The following CCDC192 variants were observed in gnomAD, a reference collection of about 807,000 sequenced individuals.
CCDC192 encodes the protein coiled-coil domain-containing protein 192.
At chr5:127,784,165 A>G (rs1482738352) in intron 3 of CCDC192, among the ~76,000 whole-genome samples, 1 of 152,238 alleles carries the variant, frequency 6.6e-6, no homozygotes, top group Non-Finnish European at 1.5e-5. Flanking sequence ...CCATTCAATT[A>G]GAAATCCTTT....
chr5:127,714,330 T>A (rs931294183), intron 2 of CCDC192, among the ~76,000 whole-genome samples: 3 of 152,210 alleles, frequency 2.0e-5, no homozygotes, highest in Non-Finnish European at 2.9e-5. Flanking sequence ...TTTGACATAC[T>A]AATTTCATTT....
At chr5:127,745,291 G>T (rs1248959561) in intron 2 of CCDC192, among the ~76,000 whole-genome samples, 1 of 152,180 alleles carries the variant, frequency 6.6e-6, no homozygotes, top group Non-Finnish European at 1.5e-5. Context: ...AGAGGATAAT[G>T]AGAAGGTACT....
At chr5:127,843,371 A>G (rs140308333) in intron 5 of CCDC192, among the ~76,000 whole-genome samples, 20 of 150,600 alleles carry the variant, frequency 1.3e-4, no homozygotes, top group African/African-American at 4.4e-4. Flanking sequence ...AGTGACTTCA[A>G]TTTTTTGCCA....
At chr5:127,855,767 C>T (rs1751039244) in intron 5 of CCDC192, among the ~76,000 whole-genome samples, 2 of 152,234 alleles carry the variant, frequency 1.3e-5, no homozygotes. Flanking sequence ...TTGTGCATCT[C>T]TATCAGAGCT....
intron 2 of CCDC192, among the ~76,000 whole-genome samples, chr5:127,742,702 A>G (rs138373949): frequency 1.6e-3 from 239 of 152,328 alleles, no homozygotes; most frequent in South Asian, 7.3e-3. Flanking sequence ...CTAAAACACA[A>G]TAATTTCCAT....
chr5:127,750,460 T>C (rs549551220), intron 2 of CCDC192, among the ~76,000 whole-genome samples: 1 of 152,212 alleles, frequency 6.6e-6, no homozygotes, highest in African/African-American at 2.4e-5. Context: ...CTAGTTTGAT[T>C]GCACTGTGGT....
chr5:127,915,326 C>T (rs933300576), intron 6 of CCDC192, among the ~76,000 whole-genome samples: 2 of 152,168 alleles, frequency 1.3e-5, no homozygotes, highest in Admixed American at 6.5e-5. Context: ...ACCTGCTGCC[C>T]GCGGGCCACA....
At chr5:127,766,694 T>C (rs1441991116) in intron 3 of CCDC192, among the ~76,000 whole-genome samples, 1 of 151,270 alleles carries the variant, frequency 6.6e-6, no homozygotes, top group Non-Finnish European at 1.5e-5. Context: ...TCAGGTTGTT[T>C]CCCTTAGTAA....
chr5:127,725,678 G>T (rs1015903412), intron 2 of CCDC192, among the ~76,000 whole-genome samples: 10 of 152,146 alleles, frequency 6.6e-5, no homozygotes, highest in African/African-American at 2.4e-4. Flanking sequence ...GACAGTGCTG[G>T]TCTGGAGAGC....
intron 6 of CCDC192, among the ~76,000 whole-genome samples, chr5:127,903,714 A>G (rs1435072715): frequency 6.6e-6 from 1 of 152,256 alleles, no homozygotes. Flanking sequence ...GCTGATCATT[A>G]CAAATACAAA....
At chr5:127,871,055 G>A (rs964880289) in intron 5 of CCDC192, among the ~76,000 whole-genome samples, 2 of 152,206 alleles carry the variant, frequency 1.3e-5, no homozygotes, top group Non-Finnish European at 2.9e-5. Flanking sequence ...CAAAGTGGGA[G>A]GAAGCTCTGC....
chr5:127,728,620 A>G (rs182761088), intron 2 of CCDC192, among the ~76,000 whole-genome samples: 2 of 152,362 alleles, frequency 1.3e-5, no homozygotes, highest in Non-Finnish European at 2.9e-5. Flanking sequence ...CAATGACACT[A>G]TGAAGCAACT....
chr5:127,911,061 A>C (rs550552894), intron 6 of CCDC192, among the ~76,000 whole-genome samples: 1 of 152,374 alleles, frequency 6.6e-6, no homozygotes, highest in African/African-American at 2.4e-5. Context: ...TAAGAACACA[A>C]AATATTAATA....
rs55818815 is a variant in CCDC192 at position 127,859,703 on chromosome 5, G to A, written c.412-15835G>A. Among the ~76,000 whole-genome samples, 291 of 151,978 alleles carry A rather than the reference G, an allele frequency of 1.9e-3. 2 individuals are homozygous for A. Among genetic ancestry groups the A allele is most frequent in the African/African-American group, 6.5e-3 (271 of 41,440 alleles). ...TCTGGAAAGCACATTAGATTTTATCGAAGATTCCCTTCTCTACTCCATGTC... is the reference window on the plus strand; with the variant it reads ...TCTGGAAAGCACATTAGATTTTATCAAAGATTCCCTTCTCTACTCCATGTC... On this transcript the variant is annotated intron_variant, in intron 5 of 6. Transcript: ENST00000514853.
chr5:127,733,995 A>G (rs1752807911), intron 2 of CCDC192, among the ~76,000 whole-genome samples: 1 of 151,202 alleles, frequency 6.6e-6, no homozygotes, highest in Non-Finnish European at 1.5e-5. Flanking sequence ...TTACATATGT[A>G]TACATGTGCC....
In CCDC192 at chr5:127,880,722, G is replaced by A. The variant is rs571984029; in HGVS notation, c.535+5061G>A. Among the ~76,000 whole-genome samples, 595 of 152,230 alleles carry A rather than the reference G, an allele frequency of 3.9e-3. 5 individuals carry two copies. Among genetic ancestry groups the A allele is most frequent in the African/African-American group, 0.013 (557 of 41,544 alleles). ...AGGCCAGGCACGGTGGCTCACACCT[G>A]TAATCCCAGCACTTTGGGAGGCAGA... On this transcript the variant is annotated intron_variant, in intron 6 of 6. Transcript: ENST00000514853.
intron 3 of CCDC192, among the ~76,000 whole-genome samples, chr5:127,783,016 G>A (rs1465315731): frequency 7.1e-6 from 1 of 141,000 alleles, no homozygotes; most frequent in Admixed American, 7.3e-5. Flanking sequence ...TTTTTTTTAA[G>A]ACGGAGTTTC....
Position 127,884,802 on chromosome 5 carries a change from T to C in CCDC192, c.535+9141T>C, listed in dbSNP as rs147134237. On this transcript the variant is annotated intron_variant, in intron 6 of 6. Transcript: ENST00000514853. ...TGGAGAAGACAACCATCCACTGTTT[T>C]ATCTTGTCAGGAAAGTACAACATTT... 5.9e-5 allele frequency among the ~76,000 whole-genome samples: 9 copies of C among 152,368 alleles called. No homozygotes were observed. The South Asian group carries it at 8.3e-4, about 14-fold the overall frequency.
intron 5 of CCDC192, among the ~76,000 whole-genome samples, chr5:127,834,152 C>A (rs376185579): frequency 2.0e-5 from 3 of 152,110 alleles, no homozygotes; most frequent in African/African-American, 7.2e-5. Flanking sequence ...GTACCTAGAC[C>A]CTTATCAGCC....
Sources: allele counts gnomAD v4.1 joint callset (sites outside exome capture counted in the v4.1 genomes callset), GRCh38; gene constraint gnomAD v4.1.1; transcripts MANE v1.5; gene names NCBI Gene and HGNC (gene_info 2026-07-23, HGNC 2026-07-21).